The following CPEB1 variants were observed in gnomAD, a reference collection of about 807,000 sequenced individuals.
The protein encoded by CPEB1 is cytoplasmic polyadenylation element binding protein 1, also known as cytoplasmic polyadenylation element-binding protein 1.
CPEB1 carries 7 observed loss-of-function variants against 65.8 expected under a neutral mutation model. The observed-to-expected ratio is 0.11, with a 90% CI of 0.06 to 0.20. CPEB1 has a LOEUF of 0.20. Ranked by LOEUF, CPEB1 falls within the 10% of genes least tolerant of loss-of-function variation. CPEB1 has a pLI of 1.00. For synonymous variants in CPEB1, 262 were observed against 260.0 expected, an observed-to-expected ratio of 1.01 and a Z score of -0.08; for missense variants, 551 against 712.2, an observed-to-expected ratio of 0.77 and a Z score of 2.58.
intron 3 of CPEB1, chr15:82,571,742 C>T: frequency 7.2e-7 from 1 of 1,395,834 alleles, no homozygotes; most frequent in Non-Finnish European, 9.3e-7. Context: ...ACACACACAC[C>T]CCTATCCCGT....
chr15:82,592,089 G>A (rs1021593671), intron 3 of CPEB1, among the ~76,000 whole-genome samples: 4 of 151,310 alleles, frequency 2.6e-5, no homozygotes, highest in South Asian at 2.1e-4. Context: ...TGATCCGCCC[G>A]CCTCAGCCTC....
chr15:82,597,019 G>T (rs2042717069), intron 3 of CPEB1, among the ~76,000 whole-genome samples: 1 of 152,050 alleles, frequency 6.6e-6, no homozygotes, highest in Non-Finnish European at 1.5e-5. Flanking sequence ...AAATCACAAA[G>T]AATCCTAAAA....
At position 82,584,903 on chromosome 15, in the gene CPEB1, C is replaced by CTTTTTTTTTTTTTTTTTTTTTTTTT. The variant is rs3080692; in HGVS notation, c.272-13372_272-13371insAAAAAAAAAAAAAAAAAAAAAAAAA. On this transcript the variant is annotated intron_variant, in intron 3 of 12. Coordinates refer to ENST00000684509, the MANE Select transcript of CPEB1 (RefSeq NM_001365242.1). ...GACATAATTTTTTTTTCCTAATTTGCTTTTTTTTTTTTTTTTTTTACAGTG... is the reference window on the plus strand; with the variant it reads ...GACATAATTTTTTTTTCCTAATTTGCTTTTTTTTTTTTTTTTTTTTTTTTTTTTTTTTTTTTTTTTTTTTACAGTG... Among the ~76,000 whole-genome samples the CTTTTTTTTTTTTTTTTTTTTTTTTT allele has an allele frequency of 1.3e-4, 11 of 81,738 alleles. 3 individuals carry two copies. Among genetic ancestry groups the CTTTTTTTTTTTTTTTTTTTTTTTTT allele is most frequent in the African/African-American group, 4.1e-4 (7 of 16,872 alleles). The allele number at this position is 81,738 out of a possible 152,430, so 53.6% of individuals were successfully genotyped here.
chr15:82,620,919 T>C (rs2045244450), intron 3 of CPEB1, among the ~76,000 whole-genome samples: 1 of 152,244 alleles, frequency 6.6e-6, no homozygotes, highest in Admixed American at 6.5e-5. Flanking sequence ...TTATACAAGA[T>C]GTGTTCAGTA....
intron 3 of CPEB1, among the ~76,000 whole-genome samples, chr15:82,610,422 C>T (rs929271109): frequency 6.6e-6 from 1 of 152,034 alleles, no homozygotes; most frequent in African/African-American, 2.4e-5. Flanking sequence ...AAATCATAGA[C>T]CTATCTGTTT....
In CPEB1 at chr15:82,567,476, T is replaced by TAAA. The variant is rs1001292395; in HGVS notation, c.460+3865_460+3867dup. Among the ~76,000 whole-genome samples, 72 of 147,118 alleles carry TAAA rather than the reference T, an allele frequency of 4.9e-4. 1 individual carries two copies. Among genetic ancestry groups the TAAA allele is most frequent in the African/African-American group, 1.8e-3 (71 of 40,236 alleles). On this transcript the variant is annotated intron_variant, in intron 4 of 12. Coordinates refer to ENST00000684509, the MANE Select transcript of CPEB1 (RefSeq NM_001365242.1). ...AGATGGTGAAACCCCGTCTCTACTTTAAAAAAAAAAATTAGCTCGGTGTGG... is the reference window on the plus strand; with the variant it reads ...AGATGGTGAAACCCCGTCTCTACTTTAAAAAAAAAAAAAATTAGCTCGGTGTGG...
intron 4 of CPEB1, among the ~76,000 whole-genome samples, chr15:82,570,520 T>G (rs2151046621): frequency 6.6e-6 from 1 of 152,260 alleles, no homozygotes; most frequent in Non-Finnish European, 1.5e-5. Flanking sequence ...TCCTGAATAC[T>G]CCAAGACTTG....
In CPEB1 at chr15:82,547,019, A is replaced by T. The variant is rs2035350941; in HGVS notation, c.1575+124T>A. 1.8e-5 allele frequency: 12 copies of T among 656,078 alleles called. No individual in the cohort carries two copies. In the South Asian group the frequency reaches 2.1e-4, roughly 12 times the overall value. The allele number at this position is 656,078 out of a possible 1,614,324, so 40.6% of individuals were successfully genotyped here. A position where few individuals can be genotyped will look rare whatever the true frequency, so the allele number is the denominator to read the frequency against. On this transcript the variant is annotated intron_variant, in intron 11 of 12. Transcript: ENST00000684509. ...CTAACCTCAATGTTAATTCTCAGGAATTTGGCTCACTTCCCTAAACACACC... is the reference window on the plus strand; with the variant it reads ...CTAACCTCAATGTTAATTCTCAGGATTTTGGCTCACTTCCCTAAACACACC...
intron 3 of CPEB1, among the ~76,000 whole-genome samples, chr15:82,574,498 G>A (rs377104410): frequency 2.6e-4 from 39 of 152,054 alleles, no homozygotes; most frequent in African/African-American, 8.9e-4. Context: ...CAGGCAGATC[G>A]CTTGAGGTCA....
At chr15:82,574,054 T>C (rs922656163) in intron 3 of CPEB1, among the ~76,000 whole-genome samples, 3 of 152,164 alleles carry the variant, frequency 2.0e-5, no homozygotes, top group African/African-American at 7.2e-5. Flanking sequence ...ACAGGTCTGT[T>C]AAACCCATTT....
intron 3 of CPEB1, 100 bp from the exon 4 acceptor site, chr15:82,571,632 A>C: frequency 8.8e-6 from 13 of 1,475,532 alleles, no homozygotes; most frequent in Non-Finnish European, 1.2e-5. Context: ...CCCCAGGCTC[A>C]CAGGCCAGAC....
intron 1 of CPEB1, chr15:82,637,851 CAA>C (rs1431414359): frequency 3.0e-6 from 1 of 337,924 alleles, no homozygotes; most frequent in Non-Finnish European, 5.9e-6. Flanking sequence ...TTTAATTACT[CAA>C]GAGCTTTTTG....
intron 1 of CPEB1, among the ~76,000 whole-genome samples, chr15:82,630,995 G>A (rs146665619): frequency 9.9e-5 from 15 of 152,126 alleles, no homozygotes; most frequent in South Asian, 2.1e-4. Context: ...ACATCTAAAG[G>A]CAAGTAAATA....
intron 3 of CPEB1, among the ~76,000 whole-genome samples, chr15:82,587,422 T>C (rs1316806835): frequency 1.3e-5 from 2 of 152,228 alleles, no homozygotes; most frequent in African/African-American, 4.8e-5. Flanking sequence ...AAAATAACTA[T>C]TCTGTCAAAA....
intron 3 of CPEB1, among the ~76,000 whole-genome samples, chr15:82,611,608 A>T (rs2044158516): frequency 6.6e-6 from 1 of 151,862 alleles, no homozygotes; most frequent in Admixed American, 6.6e-5. Flanking sequence ...AAATAAAAAT[A>T]AAAATTAGCC....
intron 10 of CPEB1, chr15:82,548,575 AG>A (rs1323658862): frequency 2.8e-6 from 1 of 352,220 alleles, no homozygotes; most frequent in African/African-American, 2.1e-5. Flanking sequence ...TTAAGGTTAA[AG>A]GATTCAGAGT....
chr15:82,610,141 G>A (rs573335696), intron 3 of CPEB1, among the ~76,000 whole-genome samples: 150 of 151,028 alleles, frequency 9.9e-4, no homozygotes, highest in Non-Finnish European at 1.6e-3. Flanking sequence ...TCTACAGCCA[G>A]AAATTACCAA....
Position 82,631,096 on chromosome 15 carries a change from A to C in CPEB1, c.-97-2540T>G, listed in dbSNP as rs2046207864. 2.6e-5 allele frequency among the ~76,000 whole-genome samples: 4 copies of C among 152,256 alleles called. 1 individual carries two copies. The South Asian group carries it at 6.2e-4, about 24-fold the overall frequency. ...GAGAAAGTACCACAGTAGTCTAGGG[A>C]ACAGATGCAGACTTGGGAGTCTGGG... On this transcript the variant is annotated intron_variant, in intron 1 of 12. Transcript: ENST00000684509.
chr15:82,626,961 C>T (rs552674259), intron 3 of CPEB1, among the ~76,000 whole-genome samples: 16 of 152,190 alleles, frequency 1.1e-4, no homozygotes, highest in African/African-American at 3.9e-4. Flanking sequence ...GTGACCTTTT[C>T]TTTTTTCCCC....
Sources: allele counts gnomAD v4.1 joint callset (sites outside exome capture counted in the v4.1 genomes callset), GRCh38; gene constraint gnomAD v4.1.1; transcripts MANE v1.5; gene names NCBI Gene and HGNC (gene_info 2026-07-23, HGNC 2026-07-21).